MARCHF10: variants seen among roughly 807,000 people sequenced by gnomAD.
MARCHF10 encodes membrane associated ring-CH-type finger 10.
Under a neutral mutation model 76.2 loss-of-function variants are expected in MARCHF10, and 64 were observed. That is an observed-to-expected ratio of 0.84 (90% confidence interval 0.69 to 1.03). The LOEUF (loss-of-function observed/expected upper bound fraction) is 1.03. Ranked by LOEUF, MARCHF10 falls within the 50% of genes least tolerant of loss-of-function variation. The probability of loss-of-function intolerance (pLI) is 0.00; values close to 1 mark genes in which losing one functional copy is unlikely to be tolerated. For missense variants in MARCHF10, 875 were observed against 958.0 expected (o/e 0.91, Z 1.14); for synonymous variants, 340 against 357.5 (o/e 0.95, Z 0.55).
At chr17:62,779,258 C>A (rs1244647593) in intron 3 of MARCHF10, among the ~76,000 whole-genome samples, 1 of 152,198 alleles carries the variant, frequency 6.6e-6, no homozygotes, top group Admixed American at 6.5e-5. Context: ...CCTGCCTCAT[C>A]AGCACACAGG....
rs768114519 is a variant in MARCHF10, at chr17:62,744,446, C to T, written c.465G>A (p.Pro155=). The T allele has an allele frequency of 1.7e-5, 28 of 1,614,064 alleles. No individual in the cohort carries two copies. Among genetic ancestry groups the T allele is most frequent in the South Asian group, 8.8e-5 (8 of 91,078 alleles). Residue 155 remains proline, a synonymous_variant, in exon 5 of 11, where the codon CCG becomes CCA. Coordinates refer to ENST00000311269, the MANE Select transcript of MARCHF10 (RefSeq NM_152598.4). ...RFTVSPESHS[P]RASGDRSRQK... ...GTCTGCTTCTGTCCCCAGATGCTCT[C>T]GGGCTGTGCGATTCTGGGCTGACTG...
intron 3 of MARCHF10, among the ~76,000 whole-genome samples, chr17:62,780,420 G>A (rs796418308): frequency 4.6e-5 from 7 of 152,258 alleles, no homozygotes; most frequent in African/African-American, 7.2e-5. Context: ...CAGTGTTTAC[G>A]TTGGGTAACA....
intron 3 of MARCHF10, among the ~76,000 whole-genome samples, chr17:62,771,005 G>A (rs560411232): frequency 2.9e-4 from 44 of 151,798 alleles, no homozygotes; most frequent in African/African-American, 9.7e-4. Flanking sequence ...ACAGGCGCCC[G>A]CCACCATGCC....
intron 1 of MARCHF10, chr17:62,804,883 A>C (rs566295525): frequency 6.6e-6 from 1 of 152,356 alleles, no homozygotes; most frequent in East Asian, 1.9e-4. Context: ...TCAGGATGGG[A>C]CAGGCGACAT....
At chr17:62,739,015 G>T (rs2091402844) in intron 5 of MARCHF10, among the ~76,000 whole-genome samples, 1 of 152,136 alleles carries the variant, frequency 6.6e-6, no homozygotes, top group Non-Finnish European at 1.5e-5. Flanking sequence ...AATAGAAAAG[G>T]GGGCTGGGGG....
intron 7 of MARCHF10, 111 bp downstream of exon 7, chr17:62,724,819 CCTGAGTCG>C: frequency 9.4e-7 from 1 of 1,066,550 alleles, no homozygotes; most frequent in Non-Finnish European, 1.4e-6. Flanking sequence ...GCCACGTGTC[CCTGAGTCG>C]CTGTTCTGCG....
intron 8 of MARCHF10, among the ~76,000 whole-genome samples, chr17:62,713,556 C>A (rs986935915): frequency 3.3e-5 from 5 of 152,178 alleles, no homozygotes; most frequent in Non-Finnish European, 7.3e-5. Context: ...TGGTGATGCT[C>A]GACAAAGGGG....
At chr17:62,724,036 C>A (rs1039712790) in intron 7 of MARCHF10, among the ~76,000 whole-genome samples, 6 of 152,112 alleles carry the variant, frequency 3.9e-5, no homozygotes, top group Admixed American at 3.9e-4. Context: ...AGTCTCCCTG[C>A]AGCCTGGATA....
intron 3 of MARCHF10, among the ~76,000 whole-genome samples, chr17:62,769,747 C>T (rs889419270): frequency 5.3e-5 from 8 of 152,180 alleles, no homozygotes; most frequent in Non-Finnish European, 8.8e-5. Context: ...TATTAGCTAG[C>T]ATTCTTCTCT....
intron 9 of MARCHF10, among the ~76,000 whole-genome samples, chr17:62,706,836 G>T (rs908078440): frequency 1.9e-4 from 29 of 152,200 alleles, no homozygotes; most frequent in Non-Finnish European, 3.8e-4. Context: ...GGGGATGGGG[G>T]ACCAGGCCCT....
At chr17:62,742,423 C>A (rs2091548548) in intron 5 of MARCHF10, among the ~76,000 whole-genome samples, 1 of 152,204 alleles carries the variant, frequency 6.6e-6, no homozygotes, top group Non-Finnish European at 1.5e-5. Context: ...TTCACTGATA[C>A]AATTCAAATA....
At chr17:62,770,731 G>T (rs183225866) in intron 3 of MARCHF10, among the ~76,000 whole-genome samples, 1 of 152,014 alleles carries the variant, frequency 6.6e-6, no homozygotes, top group African/African-American at 2.4e-5. Flanking sequence ...AGTAGAGACA[G>T]GGTTTCACTA....
Position 62,736,949 on chromosome 17 carries a change from A to AGC in MARCHF10, c.917_918dup (p.Ser307AlafsTer49). 6.2e-7 allele frequency: 1 copy of AGC among 1,614,074 alleles called. No individual in the cohort carries two copies. ...TTGTGATGGGAAGGAGAACAGGGTGAGCGCACACCAACCCACAGACATTCT... is the reference window on the plus strand; with the variant it reads ...TTGTGATGGGAAGGAGAACAGGGTGAGCGCGCACACCAACCCACAGACATTCT... On this transcript the variant is annotated frameshift_variant, in exon 6 of 11. Coordinates refer to ENST00000311269, the MANE Select transcript of MARCHF10 (RefSeq NM_152598.4). LOFTEE classifies it high-confidence loss of function.
At chr17:62,732,992 C>CAAAAAAAAAAAAAAAAAAAAGAAAAA (rs2091098934) in intron 6 of MARCHF10, among the ~76,000 whole-genome samples, 1 of 66,550 alleles carries the variant, frequency 1.5e-5, no homozygotes. Flanking sequence ...GACTCAGTCT[C>CAAAAAAAAAAAAAAAAAAAAGAAAAA]AAAAAAAAAA....
At position 62,719,305 on chromosome 17, in the gene MARCHF10, A is replaced by T. The variant is rs563135014; in HGVS notation, c.2214+3183T>A. 3.9e-5 allele frequency among the ~76,000 whole-genome samples: 6 copies of T among 152,242 alleles called. No homozygotes were observed. The South Asian group carries it at 1.0e-3, about 26-fold the overall frequency. The stretch of plus-strand genomic sequence containing the variant: ...TTTCAAATGATCATTTCTGTATGTA[A>T]TTTTTACTTTTTTTTTGATATTTTA... On this transcript the variant is annotated intron_variant, in intron 8 of 10. Transcript: ENST00000311269.
intron 3 of MARCHF10, among the ~76,000 whole-genome samples, chr17:62,773,823 G>A (rs2092493939): frequency 6.6e-6 from 1 of 152,208 alleles, no homozygotes; most frequent in African/African-American, 2.4e-5. Context: ...AAGAAGCGGG[G>A]CAGCACTGAG....
At chr17:62,756,687 C>A (rs560556925) in intron 4 of MARCHF10, among the ~76,000 whole-genome samples, 12 of 152,326 alleles carry the variant, frequency 7.9e-5, no homozygotes, top group African/African-American at 2.9e-4. Flanking sequence ...GCAATCCCAG[C>A]AGGCAGGATC....
At chr17:62,807,276 A>T (rs927249783) in intron 1 of MARCHF10, among the ~76,000 whole-genome samples, 4 of 152,204 alleles carry the variant, frequency 2.6e-5, no homozygotes, top group African/African-American at 9.6e-5. Flanking sequence ...CCAATTTAAG[A>T]ATACTGTGAC....
chr17:62,737,635 C>T (rs544533835), intron 5 of MARCHF10: 10 of 351,642 alleles, frequency 2.8e-5, no homozygotes, highest in South Asian at 2.0e-4. Flanking sequence ...ACTGATGATG[C>T]GCAAACCTCA....
Sources: gnomAD v4.1 joint callset for allele counts (sites outside exome capture counted in the v4.1 genomes callset) on GRCh38, gnomAD v4.1.1 for gene constraint, MANE v1.5 for transcripts, NCBI Gene and HGNC (gene_info 2026-07-23, HGNC 2026-07-21) for gene names.